The following MTUS2 variants were observed in gnomAD, a reference collection of about 807,000 sequenced individuals.
MTUS2 encodes microtubule associated scaffold protein 2.
In MTUS2, 40 loss-of-function variants were observed where a neutral mutation model predicts 114.1. The ratio of observed to expected loss-of-function variants is 0.35; its 90% CI spans 0.27 to 0.46. The LOEUF (loss-of-function observed/expected upper bound fraction) is 0.46, where lower values mean the gene tolerates loss of function less well. Among genes scored for constraint, MTUS2 ranks in the 20% least tolerant of loss-of-function variants. MTUS2 has a pLI of 1.00. For missense variants in MTUS2, 1,679 were observed against 1,705.4 expected (o/e 0.98, Z 0.27); for synonymous variants, 688 against 672.0 (o/e 1.02, Z -0.37).
At chr13:29,118,154 G>T (rs1458287340) in intron 5 of MTUS2, among the ~76,000 whole-genome samples, 1 of 152,004 alleles carries the variant, frequency 6.6e-6, no homozygotes, top group Non-Finnish European at 1.5e-5. Context: ...AGAGTCCTGT[G>T]TATCTCTTGG....
intron 8 of MTUS2, among the ~76,000 whole-genome samples, chr13:29,397,702 G>A (rs566751959): frequency 6.6e-6 from 1 of 152,318 alleles, no homozygotes; most frequent in East Asian, 1.9e-4. Context: ...TGCAGTGTGG[G>A]TACCCACAAT....
chr13:29,442,003 C>T (rs1877921020), intron 9 of MTUS2, among the ~76,000 whole-genome samples: 1 of 152,222 alleles, frequency 6.6e-6, no homozygotes, highest in South Asian at 2.1e-4. Context: ...GCCTCTCCTC[C>T]TGAGCGAAGC....
chr13:29,440,746 A>G (rs1157797747), intron 9 of MTUS2, among the ~76,000 whole-genome samples: 2 of 151,488 alleles, frequency 1.3e-5, no homozygotes, highest in Non-Finnish European at 2.9e-5. Flanking sequence ...TCTCTTTACC[A>G]GTGAGCACTC....
chr13:29,256,693 A>T (rs1403999660), intron 5 of MTUS2, among the ~76,000 whole-genome samples: 1 of 152,268 alleles, frequency 6.6e-6, no homozygotes, highest in African/African-American at 2.4e-5. Context: ...GCAAAAACAA[A>T]CAGCATCTCT....
chr13:29,163,351 G>C (rs146750916), intron 5 of MTUS2, among the ~76,000 whole-genome samples: 2 of 152,108 alleles, frequency 1.3e-5, no homozygotes, highest in African/African-American at 4.8e-5. Context: ...TGACAGTGGT[G>C]TATGAGCAGA....
chr13:29,386,348 T>G (rs1025739899), intron 8 of MTUS2, among the ~76,000 whole-genome samples: 2 of 152,158 alleles, frequency 1.3e-5, no homozygotes, highest in Non-Finnish European at 1.5e-5. Context: ...ATGGAACATT[T>G]CTAAGAGGAG....
At chr13:29,216,392 C>T (rs902240848) in intron 5 of MTUS2, among the ~76,000 whole-genome samples, 4 of 152,194 alleles carry the variant, frequency 2.6e-5, no homozygotes, top group African/African-American at 9.7e-5. Flanking sequence ...ATGGTTCTGT[C>T]TTGCTGGGGT....
At position 29,173,993 on chromosome 13, in the gene MTUS2, C is replaced by T. The variant is rs1266819743; in HGVS notation, c.2644+73023C>T. Among the ~76,000 whole-genome samples, 4 of 152,054 alleles carry T rather than the reference C, an allele frequency of 2.6e-5. No homozygotes were observed. The East Asian group carries it at 7.7e-4, about 29-fold the overall frequency. On this transcript the variant is annotated intron_variant, in intron 5 of 15. Coordinates refer to ENST00000612955, the MANE Select transcript of MTUS2 (RefSeq NM_001033602.4). ...TTCTATTCTATTCAGGAAATATGGA[C>T]TCCTACACCCTGTAGAAGGCATATT...
intron 6 of MTUS2, among the ~76,000 whole-genome samples, chr13:29,283,303 G>A (rs1389296649): frequency 6.6e-6 from 1 of 152,154 alleles, no homozygotes; most frequent in Non-Finnish European, 1.5e-5. Flanking sequence ...TTCCTCAGGG[G>A]AAGGTAAGCT....
At chr13:28,901,496 C>T (rs1879640266) in intron 2 of MTUS2, among the ~76,000 whole-genome samples, 1 of 152,190 alleles carries the variant, frequency 6.6e-6, no homozygotes, top group Non-Finnish European at 1.5e-5. Flanking sequence ...TCAGGTCTCA[C>T]ATGTAAGTAG....
intron 9 of MTUS2, among the ~76,000 whole-genome samples, chr13:29,471,748 C>CG (rs1555283283): frequency 6.7e-6 from 1 of 150,080 alleles, no homozygotes; most frequent in Non-Finnish European, 1.5e-5. Flanking sequence ...CCCAGCCCCC[C>CG]CCGACACATT....
At chr13:28,889,989 A>G (rs1380026320) in intron 2 of MTUS2, among the ~76,000 whole-genome samples, 1 of 152,168 alleles carries the variant, frequency 6.6e-6, no homozygotes, top group East Asian at 1.9e-4. Context: ...CCTGCATTCC[A>G]GTGTTTGTTT....
At chr13:28,909,874 C>T (rs1184456473) in intron 2 of MTUS2, among the ~76,000 whole-genome samples, 1 of 152,030 alleles carries the variant, frequency 6.6e-6, no homozygotes, top group Non-Finnish European at 1.5e-5. Flanking sequence ...AGCCGTTCTT[C>T]AGCAATTGTT....
chr13:29,318,391 C>T (rs116238431), intron 6 of MTUS2, among the ~76,000 whole-genome samples: 49 of 135,016 alleles, frequency 3.6e-4, no homozygotes, highest in South Asian at 1.0e-3. Flanking sequence ...ATTTCTTTTT[C>T]TTTTTTTTTT....
In MTUS2 at chr13:29,024,770, T is replaced by C. The variant is rs1886434467; in HGVS notation, c.72T>C (p.Asn24=). 2 of 1,613,944 alleles carry C rather than the reference T, an allele frequency of 1.2e-6. No individual in the cohort carries two copies. The highest frequency in any genetic ancestry group is 1.7e-6 in the Non-Finnish European group (2 of 1,179,886). ...GGGACAACAGAAATGCAGCAAGAAA[T>C]AATAATGAAAGCATCTTAAGTCTGG... ...QLRDNRNAAR[N]NNESILSLGD... The change falls in exon 3 of 16, where the codon AAT becomes AAC. Residue 24 remains asparagine (N), a synonymous_variant. Coordinates refer to ENST00000612955, the MANE Select transcript of MTUS2 (RefSeq NM_001033602.4).
rs1363849221 is a variant in MTUS2 at position 29,375,626 on chromosome 13, T to TAAA, written c.3117+16154_3117+16155insAAA. Among the ~76,000 whole-genome samples, 41 of 6,692 alleles carry TAAA rather than the reference T, an allele frequency of 6.1e-3. 12 individuals carry two copies. The East Asian group carries it at 0.2, about 32-fold the overall frequency. 4.4% of individuals were successfully genotyped at this position (6,692 alleles called of 152,430 possible). ...ATATATACGTATATATATATATATA[T>TAAA]ATATATATATATACACACACCATGA... On this transcript the variant is annotated intron_variant, in intron 8 of 15. Coordinates refer to ENST00000612955, the MANE Select transcript of MTUS2 (RefSeq NM_001033602.4).
In MTUS2 at chr13:29,151,199, T is replaced by A. The variant is rs115741103; in HGVS notation, c.2644+50229T>A. Among the ~76,000 whole-genome samples the A allele has an allele frequency of 5.1e-3, 773 of 152,282 alleles. 5 individuals carry two copies. Among genetic ancestry groups the A allele is most frequent in the African/African-American group, 0.018 (736 of 41,568 alleles). ...CATGAAATGTTTTTCCATTTGTTAT[T>A]ATCATCTATGATTTCTTTCAGGAGT... On this transcript the variant is annotated intron_variant, in intron 5 of 15. Coordinates refer to ENST00000612955, the MANE Select transcript of MTUS2 (RefSeq NM_001033602.4).
At chr13:29,349,843 T>C (rs1334984965) in intron 7 of MTUS2, among the ~76,000 whole-genome samples, 2 of 152,184 alleles carry the variant, frequency 1.3e-5, no homozygotes, top group African/African-American at 2.4e-5. Context: ...TGCCTTGATA[T>C]TGTTTTCTTC....
chr13:29,054,760 A>G (rs958153239), intron 4 of MTUS2, among the ~76,000 whole-genome samples: 2 of 152,094 alleles, frequency 1.3e-5, no homozygotes, highest in African/African-American at 4.8e-5. Context: ...GGTACACCTT[A>G]TGGATCTAGG....
Sources: allele counts gnomAD v4.1 joint callset (sites outside exome capture counted in the v4.1 genomes callset), GRCh38; gene constraint gnomAD v4.1.1; transcripts MANE v1.5; gene names NCBI Gene and HGNC (gene_info 2026-07-23, HGNC 2026-07-21).